The following RFC3 variants were observed in gnomAD, a reference collection of about 807,000 sequenced individuals.
The protein encoded by RFC3 is A1 38 kDa subunit.
Under a neutral mutation model 45.1 loss-of-function variants are expected in RFC3, and 41 were observed. The observed-to-expected ratio is 0.91, with a 90% CI of 0.71 to 1.18. The LOEUF is 1.18. Among genes scored for constraint, RFC3 ranks in the 50% most tolerant of loss-of-function variants. The probability of loss-of-function intolerance (pLI) is 0.00; values close to 1 mark genes in which losing one functional copy is unlikely to be tolerated. For missense variants in RFC3, 423 were observed against 428.1 expected (o/e 0.99, Z 0.10); for synonymous variants, 149 against 144.0 (o/e 1.03, Z -0.25).
chr13:33,946,091 G>A (rs1248413239), intron 8 of RFC3, among the ~76,000 whole-genome samples: 3 of 152,124 alleles, frequency 2.0e-5, no homozygotes, highest in African/African-American at 7.2e-5. Flanking sequence ...TGTTGCCTGG[G>A]GAATGTTTCT....
At chr13:33,825,508 A>C (rs1215377798) in intron 3 of RFC3, among the ~76,000 whole-genome samples, 1 of 152,150 alleles carries the variant, frequency 6.6e-6, no homozygotes, top group South Asian at 2.1e-4. Context: ...GAAGTGTCAA[A>C]GTATTTGCTA....
chr13:33,950,170 A>G (rs949857520), intron 8 of RFC3, among the ~76,000 whole-genome samples: 12 of 152,110 alleles, frequency 7.9e-5, no homozygotes, highest in Non-Finnish European at 1.8e-4. Flanking sequence ...AATTCCATAG[A>G]ATATTAAAAA....
chr13:33,838,304 C>T (rs530516556), downstream of RFC3, among the ~76,000 whole-genome samples: 143 of 152,138 alleles, frequency 9.4e-4, no homozygotes, highest in African/African-American at 3.2e-3. Flanking sequence ...TTTATGTAGA[C>T]ACTCCAGCTT....
chr13:33,861,626 CAA>C (rs1396199021), intron 8 of RFC3, among the ~76,000 whole-genome samples: 1 of 128,272 alleles, frequency 7.8e-6, no homozygotes, highest in Non-Finnish European at 1.6e-5. Flanking sequence ...GCCTAGGCAA[CAA>C]GAGCAAAACT....
chr13:33,893,495 G>T (rs933979356), intron 8 of RFC3, among the ~76,000 whole-genome samples: 2 of 151,830 alleles, frequency 1.3e-5, no homozygotes, highest in African/African-American at 4.8e-5. Flanking sequence ...AAAACAGCAA[G>T]CAGGGTACTA....
intron 8 of RFC3, among the ~76,000 whole-genome samples, chr13:33,963,730 C>T (rs548618185): frequency 1.7e-4 from 26 of 152,248 alleles, no homozygotes; most frequent in East Asian, 1.5e-3. Context: ...GTTCATGTCT[C>T]TCTGTGGAAT....
At chr13:33,886,167 G>A (rs535812940) in intron 8 of RFC3, among the ~76,000 whole-genome samples, 1 of 152,258 alleles carries the variant, frequency 6.6e-6, no homozygotes, top group East Asian at 1.9e-4. Context: ...TGCATGTTGA[G>A]GACAGAAGTG....
chr13:33,882,892 A>G (rs1167888053), intron 8 of RFC3, among the ~76,000 whole-genome samples: 1 of 152,156 alleles, frequency 6.6e-6, no homozygotes, highest in East Asian at 1.9e-4. Context: ...TGCTCTTTTC[A>G]CTTACCACCT....
intron 8 of RFC3, among the ~76,000 whole-genome samples, chr13:33,873,461 A>C (rs976745381): frequency 6.6e-6 from 1 of 152,190 alleles, no homozygotes; most frequent in African/African-American, 2.4e-5. Flanking sequence ...TTATTATACC[A>C]GAAATTTCTG....
chr13:33,821,207 A>G lies in RFC3; in HGVS notation c.163A>G (p.Ile55Val), dbSNP rs755299179. The G allele has an allele frequency of 1.2e-6, 2 of 1,613,772 alleles. No homozygotes were observed. Reference protein sequence around the residue: ...GAGKKTRIMCILRELYGVGVE... With the variant: ...GAGKKTRIMCVLRELYGVGVE... ...TGGAAAAAAGACAAGAATTATGTGT[A>G]TTCTACGTGAACTTTATGGTGTTGG... Residue 55 changes from isoleucine (I) to valine (V), a missense_variant, in exon 2 of 9, where the codon ATT becomes GTT. Coordinates refer to ENST00000380071, the MANE Select transcript of RFC3 (RefSeq NM_002915.4).
At chr13:33,904,015 C>T (rs2082657320) in intron 8 of RFC3, among the ~76,000 whole-genome samples, 1 of 152,080 alleles carries the variant, frequency 6.6e-6, no homozygotes, top group South Asian at 2.1e-4. Flanking sequence ...GCCCACAAGG[C>T]TGTTTCAGTA....
Position 33,837,300 on chromosome 13 carries a change from G to A in RFC3, c.*1005G>A, listed in dbSNP as rs3135641. 3,773 of 152,178 alleles carry A rather than the reference G, an allele frequency of 0.025. 66 individuals carry two copies. The highest frequency in any genetic ancestry group is 0.034 in the South Asian group (166 of 4,828). 9.4% of individuals were successfully genotyped at this position (152,178 alleles called of 1,614,324 possible). On this transcript the variant is annotated 3_prime_UTR_variant, in exon 9 of 9. Coordinates refer to ENST00000380071, the MANE Select transcript of RFC3 (RefSeq NM_002915.4). ...GTTTTGCCAGTTCAAGAATTTAATG[G>A]AATCAGATATTGTAAGCATTCTTGT...
At chr13:33,915,214 C>G (rs2082725517) in intron 8 of RFC3, among the ~76,000 whole-genome samples, 1 of 152,144 alleles carries the variant, frequency 6.6e-6, no homozygotes, top group African/African-American at 2.4e-5. Context: ...CAACAAACAG[C>G]CTTAATCCTT....
intron 8 of RFC3, among the ~76,000 whole-genome samples, chr13:33,960,195 A>G (rs752061512): frequency 2.6e-5 from 4 of 152,150 alleles, no homozygotes; most frequent in Admixed American, 6.6e-5. Context: ...AAATAGACAA[A>G]CTATATCAGT....
chr13:33,918,343 G>A (rs2082746323), intron 8 of RFC3, among the ~76,000 whole-genome samples: 2 of 152,136 alleles, frequency 1.3e-5, no homozygotes, highest in Admixed American at 1.3e-4. Context: ...CCAGTCCTGA[G>A]CCAGGCTGCT....
chr13:33,890,624 T>C (rs1223714645), intron 8 of RFC3, among the ~76,000 whole-genome samples: 1 of 152,212 alleles, frequency 6.6e-6, no homozygotes, highest in East Asian at 1.9e-4. Context: ...TGTTTATTTA[T>C]CATTTACTAT....
rs1302839326 is a variant in RFC3 at position 33,834,298 on chromosome 13, G to GTGTGTGTATATATA, written c.810-849_810-848insGTGTGTATATATAT. Among the ~76,000 whole-genome samples, 43 of 109,196 alleles carry GTGTGTGTATATATA rather than the reference G, an allele frequency of 3.9e-4. No homozygotes were observed. In the East Asian group the frequency reaches 5.6e-3, roughly 14 times the overall value. The allele number at this position is 109,196 out of a possible 152,430, so 71.6% of individuals were successfully genotyped here. ...GAAGTATGGAACATCTGTACTGTGT[G>GTGTGTGTATATATA]TATATATATATATATATATATATAT... On this transcript the variant is annotated intron_variant, in intron 7 of 8. Coordinates refer to ENST00000380071, the MANE Select transcript of RFC3 (RefSeq NM_002915.4).
downstream of RFC3, among the ~76,000 whole-genome samples, chr13:33,968,328 A>G (rs940119491): frequency 6.6e-6 from 1 of 152,150 alleles, no homozygotes; most frequent in Non-Finnish European, 1.5e-5. Flanking sequence ...AGGTTTCACA[A>G]TGTTGGCCAG....
intron 8 of RFC3, among the ~76,000 whole-genome samples, chr13:33,964,213 T>C (rs1251919234): frequency 1.3e-5 from 2 of 152,230 alleles, no homozygotes; most frequent in Admixed American, 6.5e-5. Context: ...AATACCGTTA[T>C]TGTTTTCAGA....
Sources: gnomAD v4.1 joint callset for allele counts (sites outside exome capture counted in the v4.1 genomes callset) on GRCh38, gnomAD v4.1.1 for gene constraint, MANE v1.5 for transcripts, NCBI Gene and HGNC (gene_info 2026-07-23, HGNC 2026-07-21) for gene names.